The following SLC44A5 variants were observed in gnomAD, a reference collection of about 807,000 sequenced individuals.
SLC44A5 encodes solute carrier family 44 member 5, also known as choline transporter-like protein 5.
SLC44A5 carries 57 observed loss-of-function variants against 101.8 expected under a neutral mutation model. The observed-to-expected ratio is 0.56, with a 90% CI of 0.45 to 0.70. SLC44A5 has a LOEUF of 0.70. SLC44A5 is among the 30% of genes least tolerant of loss of function. The probability of loss-of-function intolerance (pLI) is 0.00; values close to 1 mark genes in which losing one functional copy is unlikely to be tolerated. For missense variants in SLC44A5, 737 were observed against 853.1 expected (o/e 0.86, Z 1.70); for synonymous variants, 281 against 290.9 (o/e 0.97, Z 0.35).
intron 5 of SLC44A5, among the ~76,000 whole-genome samples, chr1:75,295,848 G>A (rs1022193915): frequency 1.3e-5 from 2 of 152,110 alleles, no homozygotes; most frequent in Non-Finnish European, 2.9e-5. Context: ...GGTGTTTTGG[G>A]AAAGTTTAGT....
chr1:75,242,072 A>G lies in SLC44A5; in HGVS notation c.472-11T>C, dbSNP rs753803848. ...AAGCTGTGTGAGAGACTAAAATAGA[A>G]GGAAGAACGTTAACATTTCAAAGGC... On this transcript the variant is annotated splice_polypyrimidine_tract_variant and intron_variant, in intron 8 of 23. Transcript: ENST00000370859. 6.2e-7 allele frequency: 1 copy of G among 1,609,540 alleles called. No homozygotes were observed. Among genetic ancestry groups the G allele is most frequent in the Non-Finnish European group, 8.5e-7 (1 of 1,176,600 alleles).
chr1:75,486,268 C>G (rs1668143674), intron 2 of SLC44A5, among the ~76,000 whole-genome samples: 1 of 152,034 alleles, frequency 6.6e-6, no homozygotes, highest in Non-Finnish European at 1.5e-5. Flanking sequence ...AAAATTATTT[C>G]ACACCTAAGT....
At chr1:75,543,934 C>T (rs987646541) in intron 1 of SLC44A5, among the ~76,000 whole-genome samples, 4 of 151,986 alleles carry the variant, frequency 2.6e-5, no homozygotes, top group African/African-American at 4.8e-5. Flanking sequence ...CCAAAGATAA[C>T]ATCTTTGCTC....
chr1:75,324,910 G>T (rs888326054), intron 4 of SLC44A5, among the ~76,000 whole-genome samples: 4 of 152,078 alleles, frequency 2.6e-5, no homozygotes, highest in African/African-American at 9.7e-5. Flanking sequence ...TAGACCCAAT[G>T]AACAATGAAA....
rs1303214983 is a variant in SLC44A5, at chr1:75,541,544, T to A, written c.-69-28A>T. On this transcript the variant is annotated intron_variant, in intron 1 of 23. Transcript: ENST00000370859. ...GTGATAAAAACAAGTATGAAGATAG[T>A]TACCTAAAGCAAATTATTTTTACTC... 3 of 1,512,916 alleles carry A rather than the reference T, an allele frequency of 2.0e-6. No individual in the cohort carries two copies. The African/African-American group carries it at 4.2e-5, about 21-fold the overall frequency. The allele number at this position is 1,512,916 out of a possible 1,614,324, so 93.7% of individuals were successfully genotyped here. A position where few individuals can be genotyped will look rare whatever the true frequency, so the allele number is the denominator to read the frequency against.
intron 2 of SLC44A5, among the ~76,000 whole-genome samples, chr1:75,536,612 A>AG (rs1671024138): frequency 3.3e-5 from 2 of 61,004 alleles, no homozygotes; most frequent in Admixed American, 2.6e-4. Context: ...AAAAAAAAAA[A>AG]AAAAGAAAAG....
chr1:75,626,811 C>T, the SLC44A5 span, among the ~76,000 whole-genome samples: 1 of 152,104 alleles, frequency 6.6e-6, no homozygotes, highest in Non-Finnish European at 1.5e-5. Flanking sequence ...TGGTTATCTT[C>T]ACATTACTCT....
At chr1:75,215,924 T>A (rs1237550050) in intron 18 of SLC44A5, 67 bp from the exon 19 acceptor site, 1 of 824,108 alleles carries the variant, frequency 1.2e-6, no homozygotes, top group Non-Finnish European at 2.0e-6. Flanking sequence ...AAAATAAATA[T>A]AATACAACAT....
At chr1:75,644,500 C>T in the SLC44A5 span, among the ~76,000 whole-genome samples, 1 of 151,872 alleles carries the variant, frequency 6.6e-6, no homozygotes. Context: ...CTTGCTTTTA[C>T]TATTTTTACT....
chr1:75,364,994 A>G (rs940648415), intron 3 of SLC44A5, among the ~76,000 whole-genome samples: 5 of 152,020 alleles, frequency 3.3e-5, no homozygotes, highest in African/African-American at 1.2e-4. Context: ...TTGATTGGAT[A>G]ATTTAATCTA....
At chr1:75,419,303 G>T (rs1663854822) in intron 2 of SLC44A5, among the ~76,000 whole-genome samples, 2 of 151,416 alleles carry the variant, frequency 1.3e-5, no homozygotes. Context: ...ACCACACCAA[G>T]GAACAATATA....
chr1:75,583,323 T>A (rs1673807073), intron 1 of SLC44A5, among the ~76,000 whole-genome samples: 1 of 152,202 alleles, frequency 6.6e-6, no homozygotes, highest in South Asian at 2.1e-4. Flanking sequence ...CTTCCAAATA[T>A]TGGATCTCAT....
At chr1:75,580,436 T>C (rs543920396) in intron 1 of SLC44A5, among the ~76,000 whole-genome samples, 28 of 152,274 alleles carry the variant, frequency 1.8e-4, no homozygotes, top group Non-Finnish European at 2.9e-4. Flanking sequence ...TAGCTGCTTG[T>C]TCATGGTAGG....
chr1:75,521,447 T>A (rs114336596), intron 2 of SLC44A5: 1 of 152,210 alleles, frequency 6.6e-6, no homozygotes, highest in African/African-American at 2.4e-5. Context: ...TGAATATCTG[T>A]CTGACTTGCC....
At chr1:75,308,336 A>G (rs762202716) in intron 4 of SLC44A5, among the ~76,000 whole-genome samples, 1 of 152,194 alleles carries the variant, frequency 6.6e-6, no homozygotes, top group South Asian at 2.1e-4. Flanking sequence ...CCTTGAGAGA[A>G]TAGCTTTAAC....
chr1:75,322,860 T>C (rs1038303074), intron 4 of SLC44A5, among the ~76,000 whole-genome samples: 19 of 152,196 alleles, frequency 1.2e-4, no homozygotes, highest in African/African-American at 4.6e-4. Flanking sequence ...ACCAGGTAAT[T>C]GTGACTAAGC....
intron 2 of SLC44A5, among the ~76,000 whole-genome samples, chr1:75,538,767 T>G (rs990381370): frequency 3.9e-5 from 6 of 152,330 alleles, no homozygotes; most frequent in African/African-American, 1.4e-4. Context: ...CCAATAAAAT[T>G]TATTGTTCCT....
At chr1:75,564,924 T>C (rs1672715476) in intron 1 of SLC44A5, among the ~76,000 whole-genome samples, 1 of 152,134 alleles carries the variant, frequency 6.6e-6, no homozygotes, top group South Asian at 2.1e-4. Context: ...GCCCGGCCTA[T>C]TTTTATTTTT....
the SLC44A5 span, among the ~76,000 whole-genome samples, chr1:75,691,260 A>C: frequency 6.6e-6 from 1 of 152,186 alleles, no homozygotes; most frequent in Non-Finnish European, 1.5e-5. Context: ...GTATTTGTTA[A>C]ATTTGACAGG....
Sources: allele counts gnomAD v4.1 joint callset (sites outside exome capture counted in the v4.1 genomes callset), GRCh38; gene constraint gnomAD v4.1.1; transcripts MANE v1.5; gene names NCBI Gene and HGNC (gene_info 2026-07-23, HGNC 2026-07-21).